GRIK1: variants seen among roughly 807,000 people sequenced by gnomAD.
GRIK1 encodes glutamate receptor ionotropic, kainate 1.
In GRIK1, 69 loss-of-function variants were observed where a neutral mutation model predicts 105.7. The observed-to-expected ratio is 0.65, with a 90% confidence interval of 0.54 to 0.80. The LOEUF is 0.80. GRIK1 is among the 30% of genes least tolerant of loss of function. The probability of loss-of-function intolerance (pLI) is 0.00; values close to 1 mark genes in which losing one functional copy is unlikely to be tolerated. For synonymous variants in GRIK1, 438 were observed against 431.3 expected (o/e 1.02, Z -0.19); for missense variants, 1,109 against 1,167.3 (o/e 0.95, Z 0.73).
intron 1 of GRIK1, among the ~76,000 whole-genome samples, chr21:29,825,914 C>A (rs1017097239): frequency 6.6e-6 from 1 of 152,050 alleles, no homozygotes; most frequent in Non-Finnish European, 1.5e-5. Flanking sequence ...TCTCTCCCCA[C>A]ACAAACCTGC....
intron 9 of GRIK1, among the ~76,000 whole-genome samples, chr21:29,591,778 G>A (rs188728144): frequency 6.6e-5 from 10 of 152,230 alleles, no homozygotes; most frequent in African/African-American, 2.4e-4. Flanking sequence ...GTGGGGTGCC[G>A]AGACTCATGC....
intron 7 of GRIK1, among the ~76,000 whole-genome samples, chr21:29,620,010 A>AAAGAGAACGG (rs1303975907): frequency 1.2e-4 from 18 of 152,212 alleles, no homozygotes; most frequent in Admixed American, 3.3e-4. Flanking sequence ...CTCCTGAGAG[A>AAAGAGAACGG]TTTCCATTAA....
chr21:29,669,684 C>A (rs2063128158), intron 4 of GRIK1, among the ~76,000 whole-genome samples: 1 of 152,118 alleles, frequency 6.6e-6, no homozygotes, highest in African/African-American at 2.4e-5. Context: ...AGAAACTCAC[C>A]TCAGGGGGTT....
intron 1 of GRIK1, among the ~76,000 whole-genome samples, chr21:29,786,240 GCC>G (rs1450179656): frequency 1.3e-5 from 2 of 152,200 alleles, no homozygotes; most frequent in East Asian, 3.8e-4. Context: ...GCCCGCCTCA[GCC>G]TCCCAAAGTG....
At chr21:29,680,797 T>C (rs910289520) in intron 3 of GRIK1, among the ~76,000 whole-genome samples, 4 of 152,204 alleles carry the variant, frequency 2.6e-5, no homozygotes, top group Non-Finnish European at 5.9e-5. Context: ...ACAAGTGCTA[T>C]ACAGACAAAT....
At chr21:29,836,031 A>G (rs2067794469) in intron 1 of GRIK1, among the ~76,000 whole-genome samples, 1 of 152,244 alleles carries the variant, frequency 6.6e-6, no homozygotes, top group African/African-American at 2.4e-5. Flanking sequence ...GGAAAGCAAT[A>G]GCAGGCTGCA....
At chr21:29,931,644 A>G (rs2071567247) in intron 1 of GRIK1, among the ~76,000 whole-genome samples, 1 of 152,208 alleles carries the variant, frequency 6.6e-6, no homozygotes, top group African/African-American at 2.4e-5. Flanking sequence ...GAATCATCTT[A>G]TGTATCTCCC....
chr21:29,937,257 C>T (rs1052638382), intron 1 of GRIK1, among the ~76,000 whole-genome samples: 3 of 152,174 alleles, frequency 2.0e-5, no homozygotes, highest in East Asian at 1.9e-4. Flanking sequence ...CATTTAAAAG[C>T]GTGCATTGGT....
At chr21:29,597,542 A>T (rs1406706991) in intron 8 of GRIK1, 1 of 303,794 alleles carries the variant, frequency 3.3e-6, no homozygotes, top group Non-Finnish European at 7.2e-6. Flanking sequence ...GATCATAACA[A>T]GTATTTTTTT....
rs2063542070 is a variant in GRIK1 at position 29,689,364 on chromosome 21, T to C, written c.544+364A>G. ...TTCTAAACATTTACATAGCTACTTATCAAGTTGGAATCATATTCCATGGTC... is the reference window on the plus strand; with the variant it reads ...TTCTAAACATTTACATAGCTACTTACCAAGTTGGAATCATATTCCATGGTC... On this transcript the variant is annotated intron_variant, in intron 3 of 17. Coordinates refer to ENST00000327783, the MANE Select transcript of GRIK1 (RefSeq NM_001330994.2). 1.3e-5 allele frequency among the ~76,000 whole-genome samples: 2 copies of C among 152,184 alleles called. 1 individual carries two copies. The highest frequency in any genetic ancestry group is 4.1e-4 in the South Asian group (2 of 4,832).
In GRIK1 at chr21:29,744,065, C is replaced by T. The variant is rs373335105; in HGVS notation, c.119-50002G>A. Among the ~76,000 whole-genome samples the T allele has an allele frequency of 1.5e-4, 23 of 152,270 alleles. No individual in the cohort carries two copies. The East Asian group carries it at 4.1e-3, about 27-fold the overall frequency. On this transcript the variant is annotated intron_variant, in intron 1 of 17. Transcript: ENST00000327783. Reference sequence around the variant, plus strand: ...CCTATGTAATCAACCTGCACTTGTACCCCTGAACTTAAAATAGAAGTTAAA... The same window carrying T: ...CCTATGTAATCAACCTGCACTTGTATCCCTGAACTTAAAATAGAAGTTAAA...
intron 1 of GRIK1, among the ~76,000 whole-genome samples, chr21:29,774,846 G>A (rs76102901): frequency 0.031 from 4,782 of 152,188 alleles, 122 homozygotes; most frequent in Middle Eastern, 0.071. Context: ...CTTGCACATC[G>A]GAGGACGCTG....
chr21:29,722,562 A>T (rs1347081080), intron 1 of GRIK1, among the ~76,000 whole-genome samples: 8 of 151,346 alleles, frequency 5.3e-5, no homozygotes, highest in Non-Finnish European at 7.4e-5. Flanking sequence ...TCTCAAAAAA[A>T]AGTAAATAAA....
chr21:29,808,833 G>A (rs765042822), intron 1 of GRIK1, among the ~76,000 whole-genome samples: 16 of 152,124 alleles, frequency 1.1e-4, no homozygotes, highest in Non-Finnish European at 2.1e-4. Flanking sequence ...CCATGTTTGT[G>A]AGGGAACAAA....
chr21:29,845,840 G>A (rs1056759919), intron 1 of GRIK1, among the ~76,000 whole-genome samples: 11 of 152,106 alleles, frequency 7.2e-5, no homozygotes, highest in African/African-American at 2.7e-4. Context: ...AAGCAAAGTA[G>A]GAAGTGAGTG....
chr21:29,923,666 C>T (rs1803166749), intron 1 of GRIK1, among the ~76,000 whole-genome samples: 1 of 152,192 alleles, frequency 6.6e-6, no homozygotes, highest in African/African-American at 2.4e-5. Flanking sequence ...CTTGTTCTTA[C>T]ATCTTAAGCC....
chr21:29,606,312 G>A (rs13051830), intron 7 of GRIK1, among the ~76,000 whole-genome samples: 24,096 of 152,022 alleles, frequency 0.16, 2,027 homozygotes, highest in African/African-American at 0.19. Flanking sequence ...GTTCTGGGGT[G>A]CATGCGCAGG....
intron 1 of GRIK1, among the ~76,000 whole-genome samples, chr21:29,890,482 A>G (rs2069853962): frequency 6.6e-6 from 1 of 152,142 alleles, no homozygotes; most frequent in African/African-American, 2.4e-5. Flanking sequence ...AAATCATCCA[A>G]TAATGACTCC....
intron 1 of GRIK1, among the ~76,000 whole-genome samples, chr21:29,809,611 A>T (rs963178723): frequency 1.3e-5 from 2 of 152,178 alleles, no homozygotes; most frequent in African/African-American, 4.8e-5. Flanking sequence ...TTGCTTTCTT[A>T]TCATTTGTGT....
Sources: allele counts gnomAD v4.1 joint callset (sites outside exome capture counted in the v4.1 genomes callset), GRCh38; gene constraint gnomAD v4.1.1; transcripts MANE v1.5; gene names NCBI Gene and HGNC (gene_info 2026-07-23, HGNC 2026-07-21).